Variants in PTH2R observed in about 807,000 individuals in gnomAD.
PTH2R encodes PTH2 receptor.
PTH2R carries 59 observed loss-of-function variants against 60.3 expected under a neutral mutation model. That is an observed-to-expected ratio of 0.98 (90% CI 0.79 to 1.22). PTH2R has a LOEUF of 1.22. Ranked by LOEUF, PTH2R falls within the 50% of genes most tolerant of loss-of-function variation. The probability of loss-of-function intolerance (pLI) is 0.00; values close to 1 mark genes in which losing one functional copy is unlikely to be tolerated. For synonymous variants in PTH2R, 256 were observed against 243.8 expected, an observed-to-expected ratio of 1.05 and a Z score of -0.47; for missense variants, 749 against 682.6, an observed-to-expected ratio of 1.10 and a Z score of -1.08.
At chr2:208,478,915 G>C (rs1235188156) in intron 9 of PTH2R, among the ~76,000 whole-genome samples, 1 of 152,182 alleles carries the variant, frequency 6.6e-6, no homozygotes, top group Non-Finnish European at 1.5e-5. Flanking sequence ...GTGAGACTAA[G>C]AGTCAATTCA....
At position 208,377,883 on chromosome 2, in the gene PTH2R, C is replaced by T. The variant is rs1169847909; in HGVS notation, c.-259+17646C>T. Among the ~76,000 whole-genome samples the T allele has an allele frequency of 5.9e-5, 9 of 151,364 alleles. 1 individual carries two copies. Among genetic ancestry groups the T allele is most frequent in the African/African-American group, 2.2e-4 (9 of 41,002 alleles). ...GGCCGGGAAGAGGCGCTCCTCACTT[C>T]CCAGACTGGGCAGCCAGGCAGAGGG... On this transcript the variant is annotated intron_variant, in intron 1 of 12. Coordinates refer to the PTH2R transcript ENST00000617735.
At chr2:208,365,728 A>G (rs1179981969) in intron 1 of PTH2R, among the ~76,000 whole-genome samples, 3 of 142,760 alleles carry the variant, frequency 2.1e-5, no homozygotes, top group Non-Finnish European at 4.6e-5. Context: ...TTTTTGGGGG[A>G]TTGATGTAAA....
At chr2:208,438,281 G>C (rs1336397538) in intron 4 of PTH2R, among the ~76,000 whole-genome samples, 2 of 152,142 alleles carry the variant, frequency 1.3e-5, no homozygotes, top group African/African-American at 4.8e-5. Flanking sequence ...TTGCATTTTA[G>C]AGGTGTATTT....
intron 2 of PTH2R, among the ~76,000 whole-genome samples, chr2:208,433,794 G>A (rs1228270874): frequency 2.0e-5 from 3 of 152,100 alleles, no homozygotes; most frequent in Non-Finnish European, 2.9e-5. Flanking sequence ...AGAGAAAAAC[G>A]TTCTCCAAAT....
intron 1 of PTH2R, among the ~76,000 whole-genome samples, chr2:208,381,058 T>C (rs1422322297): frequency 1.3e-5 from 2 of 152,130 alleles, no homozygotes; most frequent in Non-Finnish European, 1.5e-5. Context: ...ACAATCTGTC[T>C]CACTTTCTTT....
intron 11 of PTH2R, among the ~76,000 whole-genome samples, chr2:208,489,835 G>C (rs1703362856): frequency 1.3e-5 from 2 of 152,120 alleles, no homozygotes; most frequent in Non-Finnish European, 2.9e-5. Context: ...CATTAAGTTA[G>C]GGCACAATAT....
At chr2:208,430,889 C>T (rs556866686) in intron 2 of PTH2R, among the ~76,000 whole-genome samples, 1 of 152,130 alleles carries the variant, frequency 6.6e-6, no homozygotes, top group South Asian at 2.1e-4. Flanking sequence ...TTTAAGAACT[C>T]TTTAACATTG....
rs749146742 is a variant in PTH2R, at chr2:208,442,361, C to T, written c.412-3C>T. The T allele has an allele frequency of 1.2e-6, 2 of 1,601,888 alleles. No individual in the cohort carries two copies. The highest frequency in any genetic ancestry group is 2.2e-5 in the South Asian group (2 of 90,716). ...TCATACATGAGCATCTCTTCCCTTG[C>T]AGCAAGAATTCTTTGAACGCCTCTA... On this transcript the variant is annotated splice_region_variant and splice_polypyrimidine_tract_variant and intron_variant, in intron 4 of 12. Coordinates refer to ENST00000272847, the MANE Select transcript of PTH2R (RefSeq NM_005048.4).
At chr2:208,471,003 T>C (rs893930237) in intron 9 of PTH2R, among the ~76,000 whole-genome samples, 2 of 152,254 alleles carry the variant, frequency 1.3e-5, no homozygotes, top group Non-Finnish European at 2.9e-5. Flanking sequence ...GGTGGCATTT[T>C]GTTCCTGCCC....
At chr2:208,393,415 GC>G (rs1701145859) in intron 1 of PTH2R, among the ~76,000 whole-genome samples, 1 of 152,102 alleles carries the variant, frequency 6.6e-6, no homozygotes, top group Admixed American at 6.5e-5. Context: ...GAAAGGGTTG[GC>G]CCTGGTCTTC....
intron 1 of PTH2R, among the ~76,000 whole-genome samples, chr2:208,367,978 C>T (rs1312706203): frequency 2.6e-5 from 4 of 151,532 alleles, no homozygotes; most frequent in African/African-American, 9.7e-5. Flanking sequence ...TACTCAAAAA[C>T]TCGTCCCAAA....
chr2:208,416,849 C>G (rs552651453), intron 1 of PTH2R, among the ~76,000 whole-genome samples: 1 of 152,342 alleles, frequency 6.6e-6, no homozygotes, highest in East Asian at 1.9e-4. Context: ...CCCTTGAACA[C>G]TGGACTCCAA....
chr2:208,452,698 T>A (rs921419904), intron 8 of PTH2R, among the ~76,000 whole-genome samples: 11 of 152,176 alleles, frequency 7.2e-5, no homozygotes, highest in African/African-American at 2.4e-4. Flanking sequence ...TAATACGTGA[T>A]GTTGGAGGAA....
chr2:208,423,257 G>A (rs1701792375), intron 1 of PTH2R, among the ~76,000 whole-genome samples: 1 of 151,454 alleles, frequency 6.6e-6, no homozygotes, highest in African/African-American at 2.4e-5. Flanking sequence ...ACTGCTTTAG[G>A]TCTGTCCCAC....
intron 9 of PTH2R, among the ~76,000 whole-genome samples, chr2:208,462,468 T>C (rs758554742): frequency 6.6e-6 from 1 of 152,178 alleles, no homozygotes; most frequent in Non-Finnish European, 1.5e-5. Flanking sequence ...TTGTGTGATG[T>C]GTAACACCAG....
chr2:208,429,454 G>C (rs1404639941), intron 2 of PTH2R, among the ~76,000 whole-genome samples: 1 of 152,050 alleles, frequency 6.6e-6, no homozygotes, highest in Non-Finnish European at 1.5e-5. Flanking sequence ...ACCTTTTGTA[G>C]ATATACAGTA....
intron 1 of PTH2R, among the ~76,000 whole-genome samples, chr2:208,365,921 AATAGATAAATATAT>A (rs1256648152): frequency 7.9e-5 from 7 of 88,536 alleles, no homozygotes; most frequent in African/African-American, 2.1e-4. Context: ...TATATAATAT[AATAGATAAATATAT>A]ATATATATAT....
intron 1 of PTH2R, among the ~76,000 whole-genome samples, chr2:208,425,734 G>A (rs1446031221): frequency 6.6e-6 from 1 of 152,186 alleles, no homozygotes; most frequent in Non-Finnish European, 1.5e-5. Context: ...TTTCCAGGCT[G>A]TCTTTTTTCT....
chr2:208,477,668 C>T (rs1324969235), intron 9 of PTH2R, among the ~76,000 whole-genome samples: 2 of 151,640 alleles, frequency 1.3e-5, no homozygotes. Flanking sequence ...ATTTTAAAAC[C>T]ATATTTACAA....
Sources: allele counts gnomAD v4.1 joint callset (sites outside exome capture counted in the v4.1 genomes callset), GRCh38; gene constraint gnomAD v4.1.1; transcripts MANE v1.5; gene names NCBI Gene and HGNC (gene_info 2026-07-23, HGNC 2026-07-21).